KALRN: variants seen among roughly 807,000 people sequenced by gnomAD.
KALRN encodes kalirin RhoGEF kinase, also known as kalirin.
A neutral mutation model predicts 353.7 loss-of-function variants in KALRN; 70 were observed. The ratio of observed to expected loss-of-function variants is 0.20; its 90% CI spans 0.16 to 0.24. The LOEUF is 0.24. Ranked by LOEUF, KALRN falls within the 10% of genes least tolerant of loss-of-function variation. The pLI is 1.00. For missense variants in KALRN, 2,791 were observed against 3,756.7 expected (o/e 0.74, Z 6.72); for synonymous variants, 1,391 against 1,434.8 (o/e 0.97, Z 0.69).
At chr3:124,181,998 C>T (rs1334287818) in intron 1 of KALRN, among the ~76,000 whole-genome samples, 1 of 152,132 alleles carries the variant, frequency 6.6e-6, no homozygotes, top group Non-Finnish European at 1.5e-5. Context: ...TTTATAGTGA[C>T]TCTATTCTTT....
chr3:124,092,866 A>G (rs1266917714), intron 1 of KALRN, among the ~76,000 whole-genome samples: 2 of 152,224 alleles, frequency 1.3e-5, no homozygotes, highest in Non-Finnish European at 2.9e-5. Context: ...AGTACTGGCC[A>G]CATGTGAGCG....
Sources: allele counts gnomAD v4.1 joint callset (sites outside exome capture counted in the v4.1 genomes callset), GRCh38; gene constraint gnomAD v4.1.1; transcripts MANE v1.5; gene names NCBI Gene and HGNC (gene_info 2026-07-23, HGNC 2026-07-21).